The following MET variants were observed in gnomAD, a reference collection of about 807,000 sequenced individuals.
The protein encoded by MET is hepatocyte growth factor receptor.
Under a neutral mutation model 133.1 loss-of-function variants are expected in MET, and 48 were observed. That is an observed-to-expected ratio of 0.36 (90% confidence interval 0.29 to 0.46). MET has a LOEUF of 0.46. Among genes scored for constraint, MET ranks in the 20% least tolerant of loss-of-function variants. The probability of loss-of-function intolerance (pLI) is 1.00; values close to 1 mark genes in which losing one functional copy is unlikely to be tolerated. For synonymous variants in MET, 628 were observed against 616.5 expected (o/e 1.02, Z -0.28); for missense variants, 1,442 against 1,695.9 (o/e 0.85, Z 2.63).
intron 3 of MET, among the ~76,000 whole-genome samples, chr7:116,737,450 A>G (rs955912675): frequency 6.6e-6 from 1 of 152,166 alleles, no homozygotes; most frequent in Non-Finnish European, 1.5e-5. Flanking sequence ...AAGCTTTTTC[A>G]ATGGTATTTA....
At chr7:116,722,911 A>C (rs1217247389) in intron 2 of MET, among the ~76,000 whole-genome samples, 1 of 144,356 alleles carries the variant, frequency 6.9e-6, no homozygotes, top group South Asian at 2.2e-4. Context: ...GGCTGCCCTT[A>C]ACATTTTTTC....
At chr7:116,748,117 G>A (rs552183471) in intron 5 of MET, among the ~76,000 whole-genome samples, 39 of 152,274 alleles carry the variant, frequency 2.6e-4, no homozygotes, top group East Asian at 5.8e-4. Context: ...GGTGGCGGGC[G>A]CCTGTAGTCC....
chr7:116,723,843 C>G (rs955957142), intron 2 of MET, among the ~76,000 whole-genome samples: 2 of 152,222 alleles, frequency 1.3e-5, no homozygotes, highest in African/African-American at 4.8e-5. Context: ...TGCCCATTCT[C>G]AGATCTCCAG....
intron 1 of MET, among the ~76,000 whole-genome samples, chr7:116,684,983 TAAG>T (rs1796496840): frequency 6.6e-6 from 1 of 152,104 alleles, no homozygotes. Context: ...TGGAAGCCAA[TAAG>T]GAGATGGACA....
chr7:116,764,754 A>G (rs560364895), intron 11 of MET, among the ~76,000 whole-genome samples: 33 of 152,284 alleles, frequency 2.2e-4, no homozygotes, highest in African/African-American at 7.7e-4. Context: ...AGAGACTGGC[A>G]AAAAACACTT....
At chr7:116,776,781 G>T (rs778587768) in intron 15 of MET, among the ~76,000 whole-genome samples, 3 of 152,178 alleles carry the variant, frequency 2.0e-5, no homozygotes, top group African/African-American at 4.8e-5. Flanking sequence ...AAATGATGTG[G>T]TTAAAGCCAG....
At chr7:116,795,516 C>G (rs1795640796) in intron 19 of MET, 139 bp from the exon 20 acceptor site, 1 of 1,087,088 alleles carries the variant, frequency 9.2e-7, no homozygotes, top group East Asian at 2.4e-5. Context: ...TAATAATTGC[C>G]TTTAAGAAAA....
intron 11 of MET, among the ~76,000 whole-genome samples, chr7:116,765,162 T>C (rs1224675146): frequency 6.6e-6 from 1 of 151,128 alleles, no homozygotes; most frequent in East Asian, 1.9e-4. Context: ...TAGCTGGGCA[T>C]GGTGGTGGGT....
At chr7:116,756,522 A>C (rs181781631) in intron 6 of MET, among the ~76,000 whole-genome samples, 99 of 152,326 alleles carry the variant, frequency 6.5e-4, no homozygotes, top group African/African-American at 2.3e-3. Flanking sequence ...CAAAACTCTT[A>C]ATCATTGCAT....
intron 1 of MET, among the ~76,000 whole-genome samples, chr7:116,675,508 C>T (rs1013437649): frequency 9.2e-5 from 14 of 152,144 alleles, no homozygotes; most frequent in Non-Finnish European, 1.3e-4. Context: ...GATACCAAAA[C>T]GACCTTACAA....
chr7:116,673,721 T>G (rs1796056826), intron 1 of MET, among the ~76,000 whole-genome samples: 1 of 152,268 alleles, frequency 6.6e-6, no homozygotes, highest in Non-Finnish European at 1.5e-5. Context: ...ACATCATGTT[T>G]CTCTGTGCTA....
intron 2 of MET, among the ~76,000 whole-genome samples, chr7:116,708,231 G>C (rs1202009195): frequency 2.0e-5 from 3 of 152,140 alleles, no homozygotes; most frequent in Non-Finnish European, 2.9e-5. Flanking sequence ...ATCTAAATTT[G>C]GTAGTTGAGT....
chr7:116,718,605 T>C (rs901245956), intron 2 of MET, among the ~76,000 whole-genome samples: 2 of 149,100 alleles, frequency 1.3e-5, no homozygotes, highest in African/African-American at 4.9e-5. Flanking sequence ...ACTCATCATC[T>C]AGCATTAGGT....
At chr7:116,680,890 C>T (rs927858957) in intron 1 of MET, among the ~76,000 whole-genome samples, 6 of 151,392 alleles carry the variant, frequency 4.0e-5, no homozygotes, top group African/African-American at 9.7e-5. Context: ...TGTAGTGAGC[C>T]GAGATCATAC....
intron 2 of MET, among the ~76,000 whole-genome samples, chr7:116,718,838 C>T (rs1374048736): frequency 3.4e-5 from 5 of 145,930 alleles, no homozygotes; most frequent in Non-Finnish European, 1.5e-5. Context: ...TTTTTTATGG[C>T]TGCATAGTAT....
intron 2 of MET, among the ~76,000 whole-genome samples, chr7:116,727,697 C>A (rs922705007): frequency 2.0e-5 from 3 of 152,098 alleles, no homozygotes; most frequent in African/African-American, 7.2e-5. Context: ...GCAAGGGGAC[C>A]CCTGACAGCA....
chr7:116,744,165 A>C (rs532757054), intron 5 of MET, among the ~76,000 whole-genome samples: 100 of 152,322 alleles, frequency 6.6e-4, no homozygotes, highest in African/African-American at 2.4e-3. Flanking sequence ...CCAGCAAGGA[A>C]ACAGAATTGG....
In MET at chr7:116,788,739, T is replaced by C. The variant is rs150989423; in HGVS notation, c.3798+5270T>C. The stretch of plus-strand genomic sequence containing the variant: ...ACTTCCAGGACAGCGCAATCTTGAA[T>C]GTTGACATGGAACATTTCCAAAAGC... On this transcript the variant is annotated intron_variant, in intron 19 of 20. Coordinates refer to ENST00000397752, the MANE Select transcript of MET (RefSeq NM_000245.4). 2.2e-3 allele frequency among the ~76,000 whole-genome samples: 331 copies of C among 152,340 alleles called. 3 individuals carry two copies. The highest frequency in any genetic ancestry group is 7.6e-3 in the African/African-American group (316 of 41,582).
At chr7:116,719,872 A>G (rs1293229973) in intron 2 of MET, among the ~76,000 whole-genome samples, 6 of 151,998 alleles carry the variant, frequency 3.9e-5, no homozygotes, top group East Asian at 3.9e-4. Flanking sequence ...TACCAGTACC[A>G]TGCTGTTTTG....
Sources: allele counts gnomAD v4.1 joint callset (sites outside exome capture counted in the v4.1 genomes callset), GRCh38; gene constraint gnomAD v4.1.1; transcripts MANE v1.5; gene names NCBI Gene and HGNC (gene_info 2026-07-23, HGNC 2026-07-21).